Variants in TP53AIP1 observed in about 807,000 individuals in gnomAD.
The protein encoded by TP53AIP1 is tumor protein p53 regulated apoptosis inducing protein 1.
A neutral mutation model predicts 9.5 loss-of-function variants in TP53AIP1; 14 were observed. The ratio of observed to expected loss-of-function variants is 1.47; its 90% CI spans 0.97 to 2.30. The LOEUF is 2.30. Ranked by LOEUF, TP53AIP1 falls within the 30% of genes most tolerant of loss-of-function variation. The pLI, the probability that TP53AIP1 is intolerant of heterozygous loss-of-function variation, is 0.00. For synonymous variants in TP53AIP1, 73 were observed against 61.2 expected, an observed-to-expected ratio of 1.19 and a Z score of -0.90; for missense variants, 153 against 146.7, an observed-to-expected ratio of 1.04 and a Z score of -0.22.
In TP53AIP1 at chr11:128,937,188, G is replaced by A; in HGVS notation, c.141+490C>T. On this transcript the variant is annotated intron_variant, in intron 2 of 3. Transcript: ENST00000531399. This position sits in a 1 kb window ranked among gnomAD's most constrained non-coding sequence, Gnocchi z 4.8. Reference sequence around the variant, plus strand: ...TCCGAGTGCGTCATCTTCATTATTGGCCACAGGAAACGACTTCTTGGAGTA... The same window carrying A: ...TCCGAGTGCGTCATCTTCATTATTGACCACAGGAAACGACTTCTTGGAGTA... The A allele has an allele frequency of 1.7e-6, 2 of 1,152,940 alleles. No individual in the cohort carries two copies. The highest frequency in any genetic ancestry group is 6.5e-5 in the South Asian group (2 of 30,692). The allele number at this position is 1,152,940 out of a possible 1,614,324, so 71.4% of individuals were successfully genotyped here.
At position 128,937,771 on chromosome 11, in the gene TP53AIP1, G is replaced by A; in HGVS notation, c.48C>T (p.Cys16=). 1 of 1,613,956 alleles carries A rather than the reference G, an allele frequency of 6.2e-7. No homozygotes were observed. The highest frequency in any genetic ancestry group is 8.5e-7 in the Non-Finnish European group (1 of 1,180,000). ...EASFRSAQAS[C]SGARRQGLGR... Reference sequence around the variant, plus strand: ...CCAGGCCCTGCCTCCTGGCCCCACTGCAGGAAGCTTGAGCAGATCTGAAGC... The same window carrying A: ...CCAGGCCCTGCCTCCTGGCCCCACTACAGGAAGCTTGAGCAGATCTGAAGC... The change falls in exon 2 of 4, where the codon TGC becomes TGT. Residue 16 remains cysteine, a synonymous_variant. Coordinates refer to ENST00000531399, the MANE Select transcript of TP53AIP1 (RefSeq NM_022112.3). The surrounding 1 kb of genome is among the most constrained non-coding windows in gnomAD (Gnocchi z 4.8).
At chr11:128,938,917 C>T (rs772408653) in intron 1 of TP53AIP1, among the ~76,000 whole-genome samples, 1 of 152,212 alleles carries the variant, frequency 6.6e-6, no homozygotes, top group Non-Finnish European at 1.5e-5. Context: ...TAGCATCAGA[C>T]ACCTCAGGTT....
At chr11:128,935,930 C>T (rs2085891859) in intron 3 of TP53AIP1, 3 of 1,267,900 alleles carry the variant, frequency 2.4e-6, no homozygotes, top group Admixed American at 3.7e-5. Context: ...AAAAATGTAT[C>T]TTGGAATAAA....
At position 128,939,769 on chromosome 11, in the gene TP53AIP1, G is replaced by C. The variant is rs576036720; in HGVS notation, c.-76-1875C>G. ...ACAGCTGCTTCTTTTGAAGAACTGGGCTATTCCCATGTAAAGCTGGCTGCA... is the reference window on the plus strand; with the variant it reads ...ACAGCTGCTTCTTTTGAAGAACTGGCCTATTCCCATGTAAAGCTGGCTGCA... On this transcript the variant is annotated intron_variant, in intron 1 of 3. Coordinates refer to ENST00000531399, the MANE Select transcript of TP53AIP1 (RefSeq NM_022112.3). This position sits in a 1 kb window ranked among gnomAD's most constrained non-coding sequence, Gnocchi z 4.1. Among the ~76,000 whole-genome samples the C allele has an allele frequency of 2.0e-5, 3 of 152,202 alleles. No individual in the cohort carries two copies. The South Asian group carries it at 6.2e-4, about 32-fold the overall frequency.
At chr11:128,941,511 C>T (rs190423995) in intron 1 of TP53AIP1, among the ~76,000 whole-genome samples, 23 of 152,328 alleles carry the variant, frequency 1.5e-4, no homozygotes, top group Non-Finnish European at 3.1e-4. Flanking sequence ...CCTTTCATTG[C>T]CTTCTTCTGT....
intron 3 of TP53AIP1, 166 bp from the exon 4 acceptor site, chr11:128,935,878 G>A (rs1944812670): frequency 7.7e-7 from 1 of 1,306,464 alleles, no homozygotes; most frequent in Non-Finnish European, 9.7e-7. Context: ...CCCAAGACAG[G>A]AAAAAAAATC....
intron 1 of TP53AIP1, among the ~76,000 whole-genome samples, chr11:128,941,713 C>A (rs1284281029): frequency 6.6e-6 from 1 of 152,240 alleles, no homozygotes; most frequent in Non-Finnish European, 1.5e-5. Flanking sequence ...AGGTTCCTGG[C>A]CTGCTGCTCC....
chr11:128,936,730 C>G (rs1175832489), intron 2 of TP53AIP1, 81 bp from the exon 3 acceptor site: 1 of 1,488,748 alleles, frequency 6.7e-7, no homozygotes, highest in Non-Finnish European at 8.9e-7. Flanking sequence ...AGGTTTTCCC[C>G]TAGGTATTCA....
chr11:128,938,966 T>C (rs192752052), intron 1 of TP53AIP1, among the ~76,000 whole-genome samples: 44 of 152,234 alleles, frequency 2.9e-4, no homozygotes, highest in African/African-American at 9.1e-4. Flanking sequence ...ACCCTCCCCA[T>C]TCTAGTCAAT....
chr11:128,935,902 G>C, intron 3 of TP53AIP1, 190 bp from the exon 4 acceptor site: 1 of 1,309,452 alleles, frequency 7.6e-7, no homozygotes, highest in Non-Finnish European at 9.7e-7. Context: ...AGATTTCATA[G>C]ATATCAAATG....
intron 1 of TP53AIP1, among the ~76,000 whole-genome samples, chr11:128,941,999 A>C (rs920613917): frequency 6.6e-6 from 1 of 151,914 alleles, no homozygotes; most frequent in Non-Finnish European, 1.5e-5. Flanking sequence ...CCCTTCCTAC[A>C]TGGAGGGTGC....
chr11:128,936,027 C>A, intron 3 of TP53AIP1: 1 of 810,346 alleles, frequency 1.2e-6, no homozygotes, highest in South Asian at 4.6e-5. Context: ...TCATTTTACC[C>A]ACACAGTGAA....
At position 128,937,307 on chromosome 11, in the gene TP53AIP1, C is replaced by T. The variant is rs1944845293; in HGVS notation, c.141+371G>A. On this transcript the variant is annotated intron_variant, in intron 2 of 3. Transcript: ENST00000531399. This position sits in a 1 kb window ranked among gnomAD's most constrained non-coding sequence, Gnocchi z 4.8. ...GGAGCCCTGCACCCCAGCCTTCCCT[C>T]CCCATGCGCTCCACATGCGTCCTTT... 2 of 1,376,104 alleles carry T rather than the reference C, an allele frequency of 1.5e-6. No individual in the cohort carries two copies. The highest frequency in any genetic ancestry group is 3.2e-5 in the Admixed American group (1 of 31,118). 85.2% of individuals were successfully genotyped at this position (1,376,104 alleles called of 1,614,324 possible).
chr11:128,936,301 T>C (rs1944822127), intron 3 of TP53AIP1: 3 of 1,279,838 alleles, frequency 2.3e-6, no homozygotes, highest in Admixed American at 3.9e-5. Context: ...TTAGCTTGGC[T>C]GTAGTGACCA....
chr11:128,935,152 G>A (rs999728018), downstream of TP53AIP1: 53 of 836,374 alleles, frequency 6.3e-5, no homozygotes, highest in South Asian at 3.0e-4. Flanking sequence ...GCGGGGGCCC[G>A]GGGCTTGCTG....
At chr11:128,936,707 A>G in intron 2 of TP53AIP1, 58 bp from the exon 3 acceptor site, 1 of 1,516,094 alleles carries the variant, frequency 6.6e-7, no homozygotes, top group Non-Finnish European at 8.8e-7. Flanking sequence ...TGGATGGTTT[A>G]TTCTTCTCTG....
chr11:128,942,280 T>C (rs907777496), intron 1 of TP53AIP1, among the ~76,000 whole-genome samples: 12 of 152,162 alleles, frequency 7.9e-5, no homozygotes, highest in African/African-American at 2.9e-4. Flanking sequence ...CAAAGTGAAG[T>C]GGCCTCCATA....
chr11:128,935,670 G>C lies in TP53AIP1; in HGVS notation c.296C>G (p.Thr99Arg). ...GLSRPFLPGATVLRDRPLGSA... is the reference protein window; with the variant it reads ...GLSRPFLPGARVLRDRPLGSA... Reference sequence around the variant, plus strand: ...CCCCAGTGGCCTGTCTCTAAGCACTGTGGCTCCAGGAAGGAAAGGCCTGGA... The same window carrying C: ...CCCCAGTGGCCTGTCTCTAAGCACTCTGGCTCCAGGAAGGAAAGGCCTGGA... The change falls in exon 4 of 4, where the codon ACA (threonine) becomes AGA (arginine). Residue 99 changes from threonine (T) to arginine (R), a missense_variant. Physicochemically the swap from Thr to Arg is moderately conservative, Grantham distance 71 (BLOSUM62 -1). Coordinates refer to ENST00000531399, the MANE Select transcript of TP53AIP1 (RefSeq NM_022112.3). 6.3e-7 allele frequency: 1 copy of C among 1,587,068 alleles called. No individual in the cohort carries two copies. Among genetic ancestry groups the C allele is most frequent in the Non-Finnish European group, 8.5e-7 (1 of 1,174,410 alleles).
At chr11:128,935,167 G>T (rs1010382770), downstream of TP53AIP1, 4 of 942,264 alleles carry the variant, frequency 4.2e-6, no homozygotes, top group Non-Finnish European at 6.6e-6. Context: ...TTGCTGGTTG[G>T]CATCAGCAGC....
Sources: gnomAD v4.1 joint callset for allele counts (sites outside exome capture counted in the v4.1 genomes callset) on GRCh38, gnomAD v4.1.1 for gene constraint, Gnocchi (gnomAD v3.1) non-coding constraint, MANE v1.5 for transcripts, NCBI Gene and HGNC (gene_info 2026-07-23, HGNC 2026-07-21) for gene names.